RAB3IP: variants seen among roughly 807,000 people sequenced by gnomAD.
The protein encoded by RAB3IP is rab-3A-interacting protein.
A neutral mutation model predicts 59.1 loss-of-function variants in RAB3IP; 36 were observed. The ratio of observed to expected loss-of-function variants is 0.61; its 90% CI spans 0.47 to 0.80. The LOEUF is 0.80. RAB3IP is among the 30% of genes least tolerant of loss of function. RAB3IP has a pLI of 0.00. For missense variants in RAB3IP, 511 were observed against 536.0 expected (o/e 0.95, Z 0.46); for synonymous variants, 207 against 191.2 (o/e 1.08, Z -0.68).
At chr12:69,810,920 G>A (rs78312249) in intron 8 of RAB3IP, among the ~76,000 whole-genome samples, 6,359 of 152,226 alleles carry the variant, frequency 0.042, 133 homozygotes, top group Non-Finnish European at 0.048. Context: ...AAAAAATGGA[G>A]TTGGAGGTCA....
chr12:69,789,110 C>A (rs1876199332), intron 4 of RAB3IP, among the ~76,000 whole-genome samples: 1 of 151,684 alleles, frequency 6.6e-6, no homozygotes. Flanking sequence ...CTTTATACCT[C>A]AAGGAATTAG....
At chr12:69,779,195 C>T (rs1277901141) in intron 3 of RAB3IP, 3 of 142,874 alleles carry the variant, frequency 2.1e-5, no homozygotes, top group Non-Finnish European at 4.6e-5. Context: ...CGTCCGTCAC[C>T]CCTTTCTTTG....
intron 4 of RAB3IP, among the ~76,000 whole-genome samples, chr12:69,793,617 T>G (rs1876986189): frequency 6.6e-6 from 1 of 152,170 alleles, no homozygotes; most frequent in Non-Finnish European, 1.5e-5. Flanking sequence ...CTTTTAAAAA[T>G]AAAATGATCA....
chr12:69,764,635 T>G (rs1871903095), intron 3 of RAB3IP, among the ~76,000 whole-genome samples: 1 of 152,210 alleles, frequency 6.6e-6, no homozygotes, highest in Non-Finnish European at 1.5e-5. Flanking sequence ...CCTTGTGTGG[T>G]TCCATATGAG....
chr12:69,797,428 T>C (rs1210205130), intron 6 of RAB3IP, among the ~76,000 whole-genome samples: 1 of 151,842 alleles, frequency 6.6e-6, no homozygotes, highest in Non-Finnish European at 1.5e-5. Flanking sequence ...AATCTTTCCT[T>C]AGAATACCAC....
intron 3 of RAB3IP, among the ~76,000 whole-genome samples, chr12:69,772,474 ATCCT>A (rs1426885236): frequency 1.1e-4 from 17 of 152,250 alleles, no homozygotes; most frequent in African/African-American, 3.9e-4. Context: ...TGTTTTGTAG[ATCCT>A]TCCTTCCACT....
chr12:69,760,557 T>C (rs1871154081), intron 3 of RAB3IP, among the ~76,000 whole-genome samples: 1 of 152,234 alleles, frequency 6.6e-6, no homozygotes, highest in African/African-American at 2.4e-5. Flanking sequence ...ATTTTTCCTT[T>C]GGCTTGAAGG....
In RAB3IP at chr12:69,782,814, G is replaced by GT. The variant is rs1281298723; in HGVS notation, c.511-1897dup. ...ACAGCTTATCCAGTTTTTTTGTTTTGTTTTTTTTTGTTTTTTTAATCTGAA... is the reference window on the plus strand; with the variant it reads ...ACAGCTTATCCAGTTTTTTTGTTTTGTTTTTTTTTTGTTTTTTTAATCTGAA... On this transcript the variant is annotated intron_variant, in intron 3 of 10. Transcript: ENST00000247833. 6.6e-3 allele frequency among the ~76,000 whole-genome samples: 974 copies of GT among 148,112 alleles called. 10 individuals are homozygous for GT. Among genetic ancestry groups the GT allele is most frequent in the African/African-American group, 0.019 (766 of 40,326 alleles).
At chr12:69,806,582 T>TG (rs1383169305) in intron 8 of RAB3IP, among the ~76,000 whole-genome samples, 1 of 147,378 alleles carries the variant, frequency 6.8e-6, no homozygotes. Flanking sequence ...TTTTTTTTTT[T>TG]TTTTTTTTTT....
rs746173261 is a variant in RAB3IP at position 69,821,091 on chromosome 12, G to A, written c.*5645G>A. On this transcript the variant is annotated 3_prime_UTR_variant, in exon 11 of 11. Transcript: ENST00000247833. Reference sequence around the variant, plus strand: ...ACACACAGTTTACTTTTGGAGGAACGTCTGAGGTCATGAGGACTAGATTCT... The same window carrying A: ...ACACACAGTTTACTTTTGGAGGAACATCTGAGGTCATGAGGACTAGATTCT... The A allele has an allele frequency of 2.0e-5, 3 of 152,134 alleles. No individual in the cohort carries two copies. Among genetic ancestry groups the A allele is most frequent in the Non-Finnish European group, 4.4e-5 (3 of 68,044 alleles). 9.4% of individuals were successfully genotyped at this position (152,134 alleles called of 1,614,324 possible). A position where few individuals can be genotyped will look rare whatever the true frequency, so the allele number is the denominator to read the frequency against.
At chr12:69,765,431 G>GTC (rs1872037133) in intron 3 of RAB3IP, among the ~76,000 whole-genome samples, 1 of 152,122 alleles carries the variant, frequency 6.6e-6, no homozygotes, top group Non-Finnish European at 1.5e-5. Flanking sequence ...TTTATGTTGT[G>GTC]AATCACATTT....
At chr12:69,800,477 G>A (rs1020524597) in intron 7 of RAB3IP, 140 bp downstream of exon 7, 12 of 535,458 alleles carry the variant, frequency 2.2e-5, no homozygotes, top group African/African-American at 1.2e-4. Flanking sequence ...TTGCCATTCC[G>A]TACTAGAATC....
chr12:69,809,539 A>G (rs1336619877), intron 8 of RAB3IP, among the ~76,000 whole-genome samples: 1 of 152,226 alleles, frequency 6.6e-6, no homozygotes, highest in Non-Finnish European at 1.5e-5. Context: ...AGGTACACCA[A>G]TCAGACGTAA....
At chr12:69,748,840 G>A (rs529201903) in intron 1 of RAB3IP, among the ~76,000 whole-genome samples, 1 of 152,272 alleles carries the variant, frequency 6.6e-6, no homozygotes, top group East Asian at 1.9e-4. Flanking sequence ...AAGCTTCTAT[G>A]TATTTAAAGG....
intron 8 of RAB3IP, among the ~76,000 whole-genome samples, chr12:69,802,392 C>G (rs893323789): frequency 6.6e-6 from 1 of 152,074 alleles, no homozygotes; most frequent in South Asian, 2.1e-4. Flanking sequence ...TTGAGAATTA[C>G]AAATCTTCAG....
intron 3 of RAB3IP, among the ~76,000 whole-genome samples, chr12:69,759,641 C>T (rs1870903632): frequency 7.7e-6 from 1 of 130,706 alleles, no homozygotes; most frequent in African/African-American, 2.8e-5. Flanking sequence ...GACGGGGCGG[C>T]TGGCTGGGCG....
chr12:69,789,769 G>A (rs1181181407), intron 4 of RAB3IP, among the ~76,000 whole-genome samples: 1 of 152,074 alleles, frequency 6.6e-6, no homozygotes, highest in Non-Finnish European at 1.5e-5. Context: ...GGGATGCAAG[G>A]ATGCATCAAC....
chr12:69,773,021 AC>A (rs1873400899), intron 3 of RAB3IP, among the ~76,000 whole-genome samples: 1 of 151,954 alleles, frequency 6.6e-6, no homozygotes, highest in African/African-American at 2.4e-5. Flanking sequence ...TTTCTGGGAA[AC>A]TTTTAATCTT....
chr12:69,788,298 G>A (rs1040059662), intron 4 of RAB3IP, among the ~76,000 whole-genome samples: 14 of 152,180 alleles, frequency 9.2e-5, no homozygotes, highest in Admixed American at 3.9e-4. Flanking sequence ...AGATGGTACA[G>A]CCTATTACAC....
Sources: allele counts gnomAD v4.1 joint callset (sites outside exome capture counted in the v4.1 genomes callset), GRCh38; gene constraint gnomAD v4.1.1; transcripts MANE v1.5; gene names NCBI Gene and HGNC (gene_info 2026-07-23, HGNC 2026-07-21).